RBFOX1: variants seen among roughly 807,000 people sequenced by gnomAD.
RBFOX1 encodes RNA binding fox-1 homolog 1.
A neutral mutation model predicts 57.7 loss-of-function variants in RBFOX1; 8 were observed. The observed-to-expected ratio is 0.14, with a 90% CI of 0.08 to 0.25. The LOEUF is 0.25. Among genes scored for constraint, RBFOX1 ranks in the 10% least tolerant of loss-of-function variants. The probability of loss-of-function intolerance (pLI) is 1.00; values close to 1 mark genes in which losing one functional copy is unlikely to be tolerated. For missense variants in RBFOX1, 611 were observed against 548.5 expected, an observed-to-expected ratio of 1.11 and a Z score of -1.14; for synonymous variants, 326 against 222.4, an observed-to-expected ratio of 1.47 and a Z score of -4.15.
intron 2 of RBFOX1, among the ~76,000 whole-genome samples, chr16:6,480,557 C>G (rs1480239918): frequency 6.6e-6 from 1 of 152,184 alleles, no homozygotes; most frequent in East Asian, 1.9e-4. Flanking sequence ...AACTAGCAGG[C>G]TGTACAGAAA....
intron 1 of RBFOX1, among the ~76,000 whole-genome samples, chr16:5,464,644 G>A (rs1017479717): frequency 6.6e-6 from 1 of 152,206 alleles, no homozygotes; most frequent in African/African-American, 2.4e-5. Flanking sequence ...CGCCACGAGA[G>A]GCCTCCTCTG....
At chr16:7,582,599 C>T (rs1348833369) in intron 6 of RBFOX1, among the ~76,000 whole-genome samples, 4 of 152,198 alleles carry the variant, frequency 2.6e-5, no homozygotes, top group Non-Finnish European at 4.4e-5. Context: ...TGGCTCCCTG[C>T]ACTGGAGCTT....
intron 1 of RBFOX1, among the ~76,000 whole-genome samples, chr16:5,275,460 T>A (rs2063117901): frequency 6.6e-6 from 1 of 152,116 alleles, no homozygotes; most frequent in African/African-American, 2.4e-5. Context: ...AATAAAATAC[T>A]TAGGAATATA....
At position 6,058,814 on chromosome 16, in the gene RBFOX1, A is replaced by G. The variant is rs564874840; in HGVS notation, c.-127+38822A>G. ...TAATTATTTACCCATCCATCCACCC[A>G]CTTACCCACTCATTTATTTATCCAT... On this transcript the variant is annotated intron_variant, in intron 1 of 15. Transcript: ENST00000550418. 5.4e-5 allele frequency among the ~76,000 whole-genome samples: 8 copies of G among 146,864 alleles called. No homozygotes were observed. The East Asian group carries it at 1.4e-3, about 26-fold the overall frequency.
intron 4 of RBFOX1, chr16:7,431,420 G>GTGTA (rs1239034929): frequency 6.6e-6 from 1 of 151,936 alleles, no homozygotes; most frequent in African/African-American, 2.4e-5. Context: ...GTGTGTGTGT[G>GTGTA]TGTGTAGATG....
intron 2 of RBFOX1, among the ~76,000 whole-genome samples, chr16:6,483,020 G>A (rs949624656): frequency 6.6e-6 from 1 of 152,248 alleles, no homozygotes; most frequent in Non-Finnish European, 1.5e-5. Context: ...GAAGGGACAC[G>A]TGCGGGCGAG....
chr16:6,298,960 T>C (rs1392912960), intron 1 of RBFOX1, among the ~76,000 whole-genome samples: 2 of 152,170 alleles, frequency 1.3e-5, no homozygotes, highest in Non-Finnish European at 2.9e-5. Context: ...CTGGTATTCA[T>C]TGGTGACAGT....
At chr16:7,102,590 G>A (rs1038113044) in intron 4 of RBFOX1, among the ~76,000 whole-genome samples, 4 of 152,288 alleles carry the variant, frequency 2.6e-5, no homozygotes, top group African/African-American at 9.6e-5. Context: ...TAATTAGGCA[G>A]TGATCGATTG....
At chr16:7,040,635 C>A (rs1012591610) in intron 3 of RBFOX1, among the ~76,000 whole-genome samples, 1 of 152,114 alleles carries the variant, frequency 6.6e-6, no homozygotes, top group Non-Finnish European at 1.5e-5. Context: ...GTTTATCATT[C>A]CAGACTTTTT....
At chr16:7,423,240 T>G (rs963049185) in intron 4 of RBFOX1, among the ~76,000 whole-genome samples, 3 of 152,254 alleles carry the variant, frequency 2.0e-5, no homozygotes, top group Non-Finnish European at 4.4e-5. Flanking sequence ...GGTACCTGTA[T>G]CCAACCCCAT....
At chr16:6,851,894 G>T (rs759138834) in intron 3 of RBFOX1, among the ~76,000 whole-genome samples, 1 of 150,962 alleles carries the variant, frequency 6.6e-6, no homozygotes, top group African/African-American at 2.4e-5. Context: ...TTTTTGGGGG[G>T]TTGGAGAGTA....
intron 14 of RBFOX1, among the ~76,000 whole-genome samples, chr16:7,691,538 A>G (rs531071554): frequency 6.6e-5 from 10 of 152,146 alleles, no homozygotes; most frequent in Non-Finnish European, 1.3e-4. Flanking sequence ...ACTCAAAAAG[A>G]ATACTTTCAA....
chr16:6,776,516 G>C (rs906931416), intron 3 of RBFOX1, among the ~76,000 whole-genome samples: 2 of 152,170 alleles, frequency 1.3e-5, no homozygotes, highest in Non-Finnish European at 2.9e-5. Context: ...ACATAGAAGA[G>C]GAACCTTGGC....
intron 2 of RBFOX1, among the ~76,000 whole-genome samples, chr16:6,339,073 T>C (rs1295070436): frequency 6.6e-6 from 1 of 152,166 alleles, no homozygotes. Flanking sequence ...AAGAAATGTA[T>C]GTGCATGCAG....
intron 4 of RBFOX1, among the ~76,000 whole-genome samples, chr16:7,303,027 C>T (rs2096070422): frequency 6.6e-6 from 1 of 152,226 alleles, no homozygotes; most frequent in African/African-American, 2.4e-5. Flanking sequence ...ACGGACTTCC[C>T]TACCCTGTGC....
At chr16:7,236,777 C>T (rs1171380346) in intron 4 of RBFOX1, among the ~76,000 whole-genome samples, 1 of 152,096 alleles carries the variant, frequency 6.6e-6, no homozygotes, top group African/African-American at 2.4e-5. Flanking sequence ...AAAATGCAGT[C>T]AGTGATAAGG....
chr16:7,462,842 TG>T (rs1303083877), intron 4 of RBFOX1, among the ~76,000 whole-genome samples: 1 of 152,180 alleles, frequency 6.6e-6, no homozygotes, highest in Non-Finnish European at 1.5e-5. Flanking sequence ...AATCTCTCCA[TG>T]TTTCTCTTTT....
At chr16:6,966,803 C>G (rs2084307305) in intron 3 of RBFOX1, among the ~76,000 whole-genome samples, 1 of 151,040 alleles carries the variant, frequency 6.6e-6, no homozygotes, top group Admixed American at 6.6e-5. Context: ...GTCTGTCTGT[C>G]TGTCTGTCTG....
intron 3 of RBFOX1, among the ~76,000 whole-genome samples, chr16:6,737,431 G>T (rs2154179478): frequency 1.3e-5 from 2 of 152,218 alleles, no homozygotes; most frequent in South Asian, 4.2e-4. Flanking sequence ...TATTAAAATA[G>T]AATTCAAATA....
Sources: gnomAD v4.1 joint callset for allele counts (sites outside exome capture counted in the v4.1 genomes callset) on GRCh38, gnomAD v4.1.1 for gene constraint, MANE v1.5 for transcripts, NCBI Gene and HGNC (gene_info 2026-07-23, HGNC 2026-07-21) for gene names.